XIRP2: variants seen among roughly 807,000 people sequenced by gnomAD.
XIRP2 encodes the protein xin actin binding repeat containing 2, also known as xin actin-binding repeat-containing protein 2.
In XIRP2, 236 loss-of-function variants were observed where a neutral mutation model predicts 277.0. The observed-to-expected ratio is 0.85, with a 90% confidence interval of 0.77 to 0.95. The LOEUF is 0.95. Ranked by LOEUF, XIRP2 falls within the 40% of genes least tolerant of loss-of-function variation. XIRP2 has a pLI of 0.00. For synonymous variants in XIRP2, 1,490 were observed against 1,416.5 expected (o/e 1.05, Z -1.17); for missense variants, 4,640 against 4,157.5 (o/e 1.12, Z -3.19).
chr2:167,215,603 C>T lies in XIRP2; in HGVS notation c.724-2563C>T, dbSNP rs146563287. ...AGTCCATGGTATAGAAACCTCTCAG[C>T]TCCTGGGTCCCCAGTTACTTTCAAG... On this transcript the variant is annotated intron_variant, in intron 4 of 10. Transcript: ENST00000409195. Among the ~76,000 whole-genome samples the T allele has an allele frequency of 3.1e-3, 470 of 152,302 alleles. 6 individuals carry two copies. The highest frequency in any genetic ancestry group is 0.011 in the African/African-American group (452 of 41,566).
intron 3 of XIRP2, among the ~76,000 whole-genome samples, chr2:167,137,176 T>C (rs1216153500): frequency 6.6e-6 from 1 of 152,136 alleles, no homozygotes; most frequent in African/African-American, 2.4e-5. Context: ...AGGATGTAAT[T>C]TGGAGTGGGA....
At chr2:167,028,216 C>T (rs1688229095) in intron 2 of XIRP2, among the ~76,000 whole-genome samples, 1 of 152,084 alleles carries the variant, frequency 6.6e-6, no homozygotes, top group East Asian at 1.9e-4. Context: ...TGCAAAATTT[C>T]TTTTATTTCT....
intron 4 of XIRP2, among the ~76,000 whole-genome samples, chr2:167,214,129 G>GGAAT (rs1694152692): frequency 8.2e-6 from 1 of 121,676 alleles, no homozygotes; most frequent in Non-Finnish European, 1.7e-5. Context: ...AAGGAAGGAA[G>GGAAT]GAAGGAAGCA....
intron 3 of XIRP2, among the ~76,000 whole-genome samples, chr2:167,153,559 T>TC (rs886533389): frequency 6.3e-5 from 9 of 143,578 alleles, no homozygotes; most frequent in Non-Finnish European, 1.5e-5. Flanking sequence ...CCCTCCCCAC[T>TC]CCCCCCACCC....
chr2:167,077,898 T>C lies in XIRP2; in HGVS notation c.409-58011T>C, dbSNP rs532637350. ...TATTGGCGTATAGTATAGTTCGACG[T>C]TGGGTAATATGATGCCTCTGGCTTT... On this transcript the variant is annotated intron_variant, in intron 2 of 10. Coordinates refer to ENST00000409195, the MANE Select transcript of XIRP2 (RefSeq NM_152381.6). Among the ~76,000 whole-genome samples the C allele has an allele frequency of 6.6e-5, 10 of 152,322 alleles. No individual in the cohort carries two copies. In the East Asian group the frequency reaches 1.9e-3, roughly 29 times the overall value.
intron 2 of XIRP2, among the ~76,000 whole-genome samples, chr2:167,031,553 A>T (rs1239805459): frequency 1.3e-5 from 2 of 151,890 alleles, no homozygotes; most frequent in African/African-American, 4.8e-5. Flanking sequence ...TATTTAGAAA[A>T]CCCCATGGTC....
chr2:166,921,195 A>G lies in XIRP2; in HGVS notation c.408+17305A>G, dbSNP rs150290741. On this transcript the variant is annotated intron_variant, in intron 2 of 10. Transcript: ENST00000409195. ...GCTTTCTCTCCATATCGAATCAACC[A>G]CTGTTGACTGCTTCAACTCACTTGA... Among the ~76,000 whole-genome samples, 3 of 152,160 alleles carry G rather than the reference A, an allele frequency of 2.0e-5. No individual in the cohort carries two copies. The East Asian group carries it at 5.8e-4, about 30-fold the overall frequency.
chr2:166,965,297 A>G (rs1475491497), intron 2 of XIRP2, among the ~76,000 whole-genome samples: 1 of 151,824 alleles, frequency 6.6e-6, no homozygotes, highest in African/African-American at 2.4e-5. Flanking sequence ...CTGGATTTCT[A>G]TTGTCCTGAC....
intron 2 of XIRP2, among the ~76,000 whole-genome samples, chr2:167,003,254 C>T (rs564431537): frequency 1.5e-4 from 22 of 151,638 alleles, no homozygotes; most frequent in African/African-American, 4.3e-4. Flanking sequence ...AAATGAGAAC[C>T]CTTCCCTTGA....
chr2:167,126,334 C>G (rs978745465), intron 2 of XIRP2, among the ~76,000 whole-genome samples: 1 of 152,080 alleles, frequency 6.6e-6, no homozygotes, highest in Non-Finnish European at 1.5e-5. Flanking sequence ...AAGGGCTAAG[C>G]CAAGACTGGA....
chr2:166,908,898 G>A (rs914157682), intron 2 of XIRP2, among the ~76,000 whole-genome samples: 2 of 151,958 alleles, frequency 1.3e-5, no homozygotes, highest in Non-Finnish European at 2.9e-5. Context: ...TCTTGTTTTT[G>A]TCAGGTTTGT....
At chr2:166,896,458 A>G (rs1352655037) in intron 1 of XIRP2, among the ~76,000 whole-genome samples, 2 of 151,954 alleles carry the variant, frequency 1.3e-5, no homozygotes, top group Non-Finnish European at 2.9e-5. Context: ...CCAATAATGT[A>G]TATGTCTTAG....
rs755361853 is a variant in XIRP2 at position 167,259,009 on chromosome 2, A to G, written c.*1192A>G. On this transcript the variant is annotated 3_prime_UTR_variant, in exon 11 of 11. Transcript: ENST00000409195. ...TCATCTCTCCTGATACAAATCTCTT[A>G]AACATTAAAGGAAGCCATTCAAAGA... 5.6e-6 allele frequency: 9 copies of G among 1,610,036 alleles called. No homozygotes were observed. The highest frequency in any genetic ancestry group is 4.4e-5 in the South Asian group (4 of 90,842).
intron 1 of XIRP2, among the ~76,000 whole-genome samples, chr2:166,903,182 G>T (rs1337625246): frequency 6.6e-6 from 1 of 152,066 alleles, no homozygotes; most frequent in African/African-American, 2.4e-5. Flanking sequence ...TCGATAAAAG[G>T]AAAATGGAAG....
intron 2 of XIRP2, among the ~76,000 whole-genome samples, chr2:166,921,519 C>A (rs964714550): frequency 6.6e-6 from 1 of 152,104 alleles, no homozygotes; most frequent in Non-Finnish European, 1.5e-5. Context: ...TAAAAATACC[C>A]CTTTCATTCT....
At position 167,246,551 on chromosome 2, in the gene XIRP2, T is replaced by C; in HGVS notation, c.5159T>C (p.Leu1720Ser). The C allele has an allele frequency of 6.2e-7, 1 of 1,613,790 alleles. No homozygotes were observed. The highest frequency in any genetic ancestry group is 1.7e-4 in the Middle Eastern group (1 of 6,056). Residue 1720 changes from leucine (L) to serine (S), a missense_variant, in exon 9 of 11, where the codon TTA becomes TCA. Physicochemically the swap from Leu to Ser is moderately radical, Grantham distance 145. Transcript: ENST00000409195. ...GATGTCAAACGTACCATTCATAATT[T>C]ATTGTCTTCCACATCAAACAATAAA... is the stretch of plus-strand genomic sequence containing the variant. Reference protein sequence around the residue: ...GGDVKRTIHNLLSSTSNNKIS... With the variant: ...GGDVKRTIHNSLSSTSNNKIS...
chr2:167,086,392 G>A lies in XIRP2; in HGVS notation c.409-49517G>A, dbSNP rs369395968. Among the ~76,000 whole-genome samples the A allele has an allele frequency of 1.3e-3, 193 of 151,932 alleles. 2 individuals are homozygous for A. The highest frequency in any genetic ancestry group is 0.01 in the Admixed American group (158 of 15,256). ...CCCTTCACATTTTTTCCTTCATTTCGACTTTGGTGAATCTGACAATTATGT... is the reference window on the plus strand; with the variant it reads ...CCCTTCACATTTTTTCCTTCATTTCAACTTTGGTGAATCTGACAATTATGT... On this transcript the variant is annotated intron_variant, in intron 2 of 10. Transcript: ENST00000409195.
intron 2 of XIRP2, among the ~76,000 whole-genome samples, chr2:166,934,035 T>A (rs1685421810): frequency 6.6e-6 from 1 of 151,960 alleles, no homozygotes; most frequent in South Asian, 2.1e-4. Flanking sequence ...GGATAGACCT[T>A]AAAGTGACCT....
intron 3 of XIRP2, among the ~76,000 whole-genome samples, chr2:167,153,706 A>C (rs1692091251): frequency 6.6e-6 from 1 of 151,728 alleles, no homozygotes; most frequent in East Asian, 1.9e-4. Context: ...ATGATTTCCA[A>C]TTTCATCCAT....
Sources: gnomAD v4.1 joint callset for allele counts (sites outside exome capture counted in the v4.1 genomes callset) on GRCh38, gnomAD v4.1.1 for gene constraint, MANE v1.5 for transcripts, NCBI Gene and HGNC (gene_info 2026-07-23, HGNC 2026-07-21) for gene names.